The following PRKD1 variants were observed in gnomAD, a reference collection of about 807,000 sequenced individuals.
PRKD1 encodes the protein protein kinase D1.
In PRKD1, 63 loss-of-function variants were observed where a neutral mutation model predicts 95.9. The observed-to-expected ratio is 0.66, with a 90% CI of 0.54 to 0.81. The LOEUF is 0.81. Among genes scored for constraint, PRKD1 ranks in the 30% least tolerant of loss-of-function variants. PRKD1 has a pLI of 0.00. For missense variants in PRKD1, 1,048 were observed against 1,165.3 expected (o/e 0.90, Z 1.47); for synonymous variants, 425 against 423.1 (o/e 1.00, Z -0.05).
At chr14:29,730,848 A>C (rs1479629618) in intron 1 of PRKD1, among the ~76,000 whole-genome samples, 1 of 152,296 alleles carries the variant, frequency 6.6e-6, no homozygotes, top group African/African-American at 2.4e-5. Flanking sequence ...ACTGGGGCTA[A>C]GCGGTGGGTG....
At chr14:29,894,246 C>T (rs929759419) in intron 1 of PRKD1, among the ~76,000 whole-genome samples, 3 of 152,138 alleles carry the variant, frequency 2.0e-5, no homozygotes. Flanking sequence ...GTATAAGGAA[C>T]TGAAAGGCAA....
intron 1 of PRKD1, among the ~76,000 whole-genome samples, chr14:29,789,217 A>G (rs1347612537): frequency 1.3e-5 from 2 of 152,086 alleles, no homozygotes; most frequent in East Asian, 1.9e-4. Flanking sequence ...GTTACTTGGA[A>G]TTATCTTTTA....
At chr14:29,676,305 A>G (rs574932847) in intron 2 of PRKD1, among the ~76,000 whole-genome samples, 2 of 150,496 alleles carry the variant, frequency 1.3e-5, no homozygotes, top group African/African-American at 4.9e-5. Context: ...GAATTAGGGT[A>G]GACGGTCAGC....
intron 4 of PRKD1, among the ~76,000 whole-genome samples, chr14:29,662,417 G>T (rs1245733620): frequency 1.3e-5 from 2 of 152,024 alleles, no homozygotes; most frequent in Admixed American, 1.3e-4. Context: ...TCAATTAATA[G>T]AACTTCATGG....
At chr14:29,613,755 G>A (rs552590955) in intron 13 of PRKD1, among the ~76,000 whole-genome samples, 9 of 152,244 alleles carry the variant, frequency 5.9e-5, no homozygotes, top group Non-Finnish European at 1.0e-4. Flanking sequence ...ACATATCAAA[G>A]GTTCTCCATG....
intron 1 of PRKD1, among the ~76,000 whole-genome samples, chr14:29,747,203 C>T (rs932876450): frequency 2.6e-5 from 4 of 151,996 alleles, no homozygotes; most frequent in East Asian, 3.9e-4. Flanking sequence ...ACACCTCCCA[C>T]GTACCCATAA....
At chr14:29,876,194 AG>A (rs1893281656) in intron 1 of PRKD1, among the ~76,000 whole-genome samples, 1 of 152,244 alleles carries the variant, frequency 6.6e-6, no homozygotes, top group Non-Finnish European at 1.5e-5. Context: ...GAACAAAAAC[AG>A]TCAGTGTCCC....
intron 1 of PRKD1, among the ~76,000 whole-genome samples, chr14:29,757,788 G>C (rs1468369403): frequency 6.6e-6 from 1 of 152,050 alleles, no homozygotes; most frequent in Non-Finnish European, 1.5e-5. Flanking sequence ...TGGAGACAGG[G>C]GTGAATGGCA....
At chr14:29,826,624 CACAT>C (rs1891134885) in intron 1 of PRKD1, among the ~76,000 whole-genome samples, 1 of 120,354 alleles carries the variant, frequency 8.3e-6, no homozygotes, top group Non-Finnish European at 1.6e-5. Flanking sequence ...CATATACACA[CACAT>C]ATATATGTGT....
chr14:29,659,762 G>A (rs1416847872), intron 4 of PRKD1, among the ~76,000 whole-genome samples: 4 of 152,142 alleles, frequency 2.6e-5, no homozygotes, highest in Non-Finnish European at 5.9e-5. Flanking sequence ...CTTGTAATGT[G>A]CTGGTTAAGT....
intron 1 of PRKD1, among the ~76,000 whole-genome samples, chr14:29,848,638 C>T (rs1346747103): frequency 6.6e-6 from 1 of 150,910 alleles, no homozygotes; most frequent in Non-Finnish European, 1.5e-5. Flanking sequence ...AGAGCTACCA[C>T]ATTATCAGAT....
At chr14:29,601,509 G>A (rs1173866089) in intron 13 of PRKD1, among the ~76,000 whole-genome samples, 1 of 152,190 alleles carries the variant, frequency 6.6e-6, no homozygotes, top group African/African-American at 2.4e-5. Context: ...CCGTTGCACT[G>A]TTAACTGGTC....
At chr14:29,839,491 G>A (rs1357251144) in intron 1 of PRKD1, among the ~76,000 whole-genome samples, 1 of 152,154 alleles carries the variant, frequency 6.6e-6, no homozygotes, top group Non-Finnish European at 1.5e-5. Flanking sequence ...GGGGTGCACG[G>A]TGCAAGCTGT....
At chr14:29,905,211 G>A (rs772662427) in intron 1 of PRKD1, among the ~76,000 whole-genome samples, 6 of 152,124 alleles carry the variant, frequency 3.9e-5, no homozygotes, top group Non-Finnish European at 5.9e-5. Flanking sequence ...AAATGAAAGA[G>A]AAGTCAGACA....
At chr14:29,895,518 T>C (rs1203835580) in intron 1 of PRKD1, among the ~76,000 whole-genome samples, 1 of 152,058 alleles carries the variant, frequency 6.6e-6, no homozygotes, top group East Asian at 1.9e-4. Context: ...TTTACAAACC[T>C]GAATCAGGTT....
Position 29,844,856 on chromosome 14 carries a change from T to C in PRKD1, c.264+82393A>G, listed in dbSNP as rs1417594684. 1.1e-4 allele frequency among the ~76,000 whole-genome samples: 16 copies of C among 152,284 alleles called. No individual in the cohort carries two copies. In the East Asian group the frequency reaches 2.1e-3, roughly 20 times the overall value. ...ATGGTCCAATATGGCTGTGGAGCTTTGTCCATCAGATATCCGTTCTGGTCA... is the reference window on the plus strand; with the variant it reads ...ATGGTCCAATATGGCTGTGGAGCTTCGTCCATCAGATATCCGTTCTGGTCA... On this transcript the variant is annotated intron_variant, in intron 1 of 17. Coordinates refer to ENST00000331968, the MANE Select transcript of PRKD1 (RefSeq NM_002742.3).
chr14:29,630,959 A>G lies in PRKD1; in HGVS notation c.1455T>C (p.Asn485=). The change falls in exon 10 of 18, where the codon AAT becomes AAC. Residue 485 remains asparagine (N), a synonymous_variant. Transcript: ENST00000331968. ...TTTCGAAACAATGAGGATTGGCCCC[A>G]TTAGGAATTAAAGCTGAAGTTTTTA... ...EPVKTSALIP[N]GANPHCFEIT... 1 of 1,613,998 alleles carries G rather than the reference A, an allele frequency of 6.2e-7. No individual in the cohort carries two copies. The highest frequency in any genetic ancestry group is 8.5e-7 in the Non-Finnish European group (1 of 1,179,898).
intron 1 of PRKD1, among the ~76,000 whole-genome samples, chr14:29,835,196 G>T (rs930111636): frequency 6.6e-6 from 1 of 152,096 alleles, no homozygotes; most frequent in African/African-American, 2.4e-5. Context: ...AAATAGTGGG[G>T]CATTTAAAGA....
chr14:29,584,716 AT>A (rs1892856724), intron 16 of PRKD1, among the ~76,000 whole-genome samples: 1 of 152,176 alleles, frequency 6.6e-6, no homozygotes, highest in Non-Finnish European at 1.5e-5. Flanking sequence ...TGGTTTGTAT[AT>A]TTTGGCTAAA....
Sources: allele counts gnomAD v4.1 joint callset (sites outside exome capture counted in the v4.1 genomes callset), GRCh38; gene constraint gnomAD v4.1.1; transcripts MANE v1.5; gene names NCBI Gene and HGNC (gene_info 2026-07-23, HGNC 2026-07-21).